Variants in FARS2 observed in about 807,000 individuals in gnomAD.
The protein encoded by FARS2 is phenylalanine--tRNA ligase, mitochondrial.
FARS2 carries 40 observed loss-of-function variants against 46.4 expected under a neutral mutation model. The observed-to-expected ratio is 0.86, with a 90% confidence interval of 0.67 to 1.12. The LOEUF (loss-of-function observed/expected upper bound fraction) is 1.12, where lower values mean the gene tolerates loss of function less well. Ranked by LOEUF, FARS2 falls within the 50% of genes most tolerant of loss-of-function variation. The pLI, the probability that FARS2 is intolerant of heterozygous loss-of-function variation, is 0.00. For missense variants in FARS2, 513 were observed against 567.9 expected (o/e 0.90, Z 0.98); for synonymous variants, 234 against 214.9 (o/e 1.09, Z -0.78).
chr6:5,432,527 A>ATTT (rs70975907), intron 4 of FARS2, among the ~76,000 whole-genome samples: 31 of 49,396 alleles, frequency 6.3e-4, no homozygotes, highest in African/African-American at 1.5e-3. Context: ...ATATATATAT[A>ATTT]TTTTTTTTTT....
At chr6:5,252,707 A>C in the FARS2 span, among the ~76,000 whole-genome samples, 1 of 152,156 alleles carries the variant, frequency 6.6e-6, no homozygotes, top group South Asian at 2.1e-4. Context: ...AATGAGCAAA[A>C]GCAGAGTCCT....
upstream of FARS2, chr6:5,260,611 G>GGCCCC: frequency 5.8e-6 from 8 of 1,377,678 alleles, no homozygotes; most frequent in Non-Finnish European, 6.9e-6. Context: ...CCGGCCCCTG[G>GGCCCC]CCCCCCGCCC....
rs145186610 is a variant in FARS2, at chr6:5,613,232, G to A, written c.1129G>A (p.Ala377Thr). 22 of 1,612,568 alleles carry A rather than the reference G, an allele frequency of 1.4e-5. No individual in the cohort carries two copies. Among genetic ancestry groups the A allele is most frequent in the African/African-American group, 8.0e-5 (6 of 74,864 alleles). The change falls in exon 6 of 7, where the codon GCA (alanine) becomes ACA (threonine). Residue 377 changes from alanine (A) to threonine (T), a missense_variant. Coordinates refer to ENST00000274680, the MANE Select transcript of FARS2 (RefSeq NM_006567.5). Reference protein sequence around the residue: ...ISFWLPSENYAENDFYDLVRT... With the variant: ...ISFWLPSENYTENDFYDLVRT... The stretch of plus-strand genomic sequence containing the variant: ...ATTCTGGTTGCCCTCTGAGAATTAC[G>A]CAGAAAATGATTTCTATGACTTAGT...
At chr6:5,663,515 T>G (rs1447079798) in intron 6 of FARS2, among the ~76,000 whole-genome samples, 2 of 152,194 alleles carry the variant, frequency 1.3e-5, no homozygotes, top group African/African-American at 4.8e-5. Flanking sequence ...CTTCAGTGCC[T>G]CGTATTGTTA....
intron 1 of FARS2, among the ~76,000 whole-genome samples, chr6:5,277,424 TG>T (rs1489722467): frequency 2.0e-5 from 3 of 152,196 alleles, no homozygotes; most frequent in Non-Finnish European, 4.4e-5. Context: ...CAATTACAAA[TG>T]GGTGGTTGCA....
In FARS2 at chr6:5,569,121, A is replaced by G. The variant is rs377367341; in HGVS notation, c.1065+23781A>G. On this transcript the variant is annotated intron_variant, in intron 5 of 6. Coordinates refer to ENST00000274680, the MANE Select transcript of FARS2 (RefSeq NM_006567.5). ...CACAGTAGGTAAACATGAGCCAGAA[A>G]GAAAATGGTTCCTAGGTTTCTGCCT... Among the ~76,000 whole-genome samples, 20 of 152,240 alleles carry G rather than the reference A, an allele frequency of 1.3e-4. 2 individuals are homozygous for G. In the South Asian group the frequency reaches 1.9e-3, roughly 14 times the overall value.
chr6:5,252,118 G>C, the FARS2 span, among the ~76,000 whole-genome samples: 3 of 152,306 alleles, frequency 2.0e-5, no homozygotes, highest in East Asian at 5.8e-4. Context: ...TACCACTCAT[G>C]AAACTAGGGA....
intron 1 of FARS2, among the ~76,000 whole-genome samples, chr6:5,305,953 C>T (rs1056342403): frequency 4.6e-5 from 7 of 152,176 alleles, no homozygotes; most frequent in African/African-American, 1.2e-4. Context: ...ACAGCTTTGC[C>T]TTATCTCCAG....
Position 5,715,861 on chromosome 6 carries a change from T to G in FARS2, c.1218-55430T>G, listed in dbSNP as rs180997800. Among the ~76,000 whole-genome samples, 89 of 152,366 alleles carry G rather than the reference T, an allele frequency of 5.8e-4. 1 individual carries two copies. The highest frequency in any genetic ancestry group is 3.3e-3 in the East Asian group (17 of 5,190). ...CAGTTGCTGAGTTACACATGATAAC[T>G]ATGTTTAACCATTTAAGGAATTACC... is the stretch of plus-strand genomic sequence containing the variant. On this transcript the variant is annotated intron_variant, in intron 6 of 6. Coordinates refer to ENST00000274680, the MANE Select transcript of FARS2 (RefSeq NM_006567.5).
At chr6:5,608,515 T>A (rs770927618) in intron 5 of FARS2, among the ~76,000 whole-genome samples, 1 of 152,184 alleles carries the variant, frequency 6.6e-6, no homozygotes, top group Non-Finnish European at 1.5e-5. Flanking sequence ...TATCTGTAGT[T>A]TTTTTTGAGT....
chr6:5,392,832 CAT>C (rs1178708673), intron 2 of FARS2, among the ~76,000 whole-genome samples: 2 of 103,100 alleles, frequency 1.9e-5, no homozygotes, highest in African/African-American at 3.3e-5. Context: ...TGTATATATA[CAT>C]ATATGTGTGT....
intron 4 of FARS2, among the ~76,000 whole-genome samples, chr6:5,495,931 C>T (rs368335089): frequency 4.6e-5 from 7 of 152,294 alleles, no homozygotes; most frequent in East Asian, 3.9e-4. Context: ...TTCAGTATCA[C>T]GATGCCCTGC....
At chr6:5,719,976 A>G (rs1227933716) in intron 6 of FARS2, among the ~76,000 whole-genome samples, 1 of 152,194 alleles carries the variant, frequency 6.6e-6, no homozygotes, top group Non-Finnish European at 1.5e-5. Context: ...TGTCTTCCAG[A>G]AGGACACTTG....
intron 5 of FARS2, among the ~76,000 whole-genome samples, chr6:5,606,289 G>A (rs1774830814): frequency 6.6e-6 from 1 of 152,014 alleles, no homozygotes; most frequent in Non-Finnish European, 1.5e-5. Flanking sequence ...AAACTGCCTG[G>A]AAGGAAAGAT....
At chr6:5,451,498 T>G (rs2150266676) in intron 4 of FARS2, among the ~76,000 whole-genome samples, 1 of 152,288 alleles carries the variant, frequency 6.6e-6, no homozygotes, top group South Asian at 2.1e-4. Flanking sequence ...CTCATTTCCA[T>G]AATCAATGGA....
intron 6 of FARS2, among the ~76,000 whole-genome samples, chr6:5,736,369 A>G (rs1200611623): frequency 6.6e-6 from 1 of 152,202 alleles, no homozygotes; most frequent in African/African-American, 2.4e-5. Flanking sequence ...GAGGGGCCAC[A>G]CAAGACAGGA....
At position 5,261,582 on chromosome 6, in the gene FARS2, C is replaced by T. The variant is rs372934760; in HGVS notation, c.-100C>T. ...ATCTCTGAAGTTGGGGTTTAAGATT[C>T]TTGCCCGTGAGAGCGAACGAGCCTG... On this transcript the variant is annotated 5_prime_UTR_variant, in exon 1 of 7. Transcript: ENST00000274680. 6.6e-6 allele frequency: 1 copy of T among 152,404 alleles called. No homozygotes were observed. Among genetic ancestry groups the T allele is most frequent in the Non-Finnish European group, 1.5e-5 (1 of 68,166 alleles). The allele number at this position is 152,404 out of a possible 1,614,324, so 9.4% of individuals were successfully genotyped here. A position where few individuals can be genotyped will look rare whatever the true frequency, so the allele number is the denominator to read the frequency against.
intron 4 of FARS2, among the ~76,000 whole-genome samples, chr6:5,433,294 G>A (rs1763335476): frequency 6.6e-6 from 1 of 152,220 alleles, no homozygotes. Context: ...TTCCTCTCAA[G>A]TGCTTAGCAA....
At chr6:5,728,456 G>A (rs1051727620) in intron 6 of FARS2, among the ~76,000 whole-genome samples, 5 of 152,064 alleles carry the variant, frequency 3.3e-5, no homozygotes, top group Non-Finnish European at 7.3e-5. Flanking sequence ...ACAGGGAGGG[G>A]GTGAGGAGGT....
Sources: gnomAD v4.1 joint callset for allele counts (sites outside exome capture counted in the v4.1 genomes callset) on GRCh38, gnomAD v4.1.1 for gene constraint, MANE v1.5 for transcripts, NCBI Gene and HGNC (gene_info 2026-07-23, HGNC 2026-07-21) for gene names.